The following ACSM3 variants were observed in gnomAD, a reference collection of about 807,000 sequenced individuals.
The protein encoded by ACSM3 is acyl-CoA synthetase medium chain family member 3.
Under a neutral mutation model 74.1 loss-of-function variants are expected in ACSM3, and 61 were observed. The ratio of observed to expected loss-of-function variants is 0.82; its 90% CI spans 0.67 to 1.02. The LOEUF (loss-of-function observed/expected upper bound fraction) is 1.02. ACSM3 is among the 50% of genes least tolerant of loss of function. The pLI, the probability that ACSM3 is intolerant of heterozygous loss-of-function variation, is 0.00. For missense variants in ACSM3, 660 were observed against 697.0 expected (o/e 0.95, Z 0.60); for synonymous variants, 213 against 241.5 (o/e 0.88, Z 1.09).
At chr16:20,718,329 G>C in intron 1 of ACSM3, 1 of 794,878 alleles carries the variant, frequency 1.3e-6, no homozygotes, top group Middle Eastern at 3.5e-4. Flanking sequence ...CACCATCTTG[G>C]GGTCCATCCA....
chr16:20,785,027 C>A lies in ACSM3; in HGVS notation c.1063C>A (p.Pro355Thr). The change falls in exon 8 of 14, where the codon CCA becomes ACA. Residue 355 changes from proline (P) to threonine (T), a missense_variant. Transcript: ENST00000289416. ...SLKHCVSAGE[P>T]ITPDVTEKWR... Reference sequence around the variant, plus strand: ...AAAGCACTGTGTGAGTGCTGGGGAACCAATTACCCCTGACGTGACTGAAAA... The same window carrying A: ...AAAGCACTGTGTGAGTGCTGGGGAAACAATTACCCCTGACGTGACTGAAAA... 6.2e-7 allele frequency: 1 copy of A among 1,613,606 alleles called. No individual in the cohort carries two copies. The highest frequency in any genetic ancestry group is 8.5e-7 in the Non-Finnish European group (1 of 1,179,694).
At chr16:20,711,395 C>G in intron 1 of ACSM3, 2 of 536,868 alleles carry the variant, frequency 3.7e-6, no homozygotes, top group Non-Finnish European at 6.5e-6. Context: ...CCTCCTCACC[C>G]AGGCACAAAG....
intron 9 of ACSM3, chr16:20,789,482 T>C: frequency 6.2e-7 from 1 of 1,611,274 alleles, no homozygotes; most frequent in Non-Finnish European, 8.5e-7. Context: ...TACTTACCAT[T>C]GTCAACCAGA....
At chr16:20,741,745 G>A (rs1166751556) in intron 1 of ACSM3, 1 of 1,564,366 alleles carries the variant, frequency 6.4e-7, no homozygotes, top group Admixed American at 1.9e-5. Context: ...GCCATGGTGT[G>A]CGCAAACTGA....
chr16:20,675,349 T>C (rs1179001182), intron 1 of ACSM3, among the ~76,000 whole-genome samples: 2 of 152,130 alleles, frequency 1.3e-5, no homozygotes, highest in Non-Finnish European at 2.9e-5. Flanking sequence ...GCAGGCTGTG[T>C]GCTCCCAGGC....
At chr16:20,787,427 C>T (rs1159285509) in intron 9 of ACSM3, among the ~76,000 whole-genome samples, 2 of 152,172 alleles carry the variant, frequency 1.3e-5, no homozygotes, top group African/African-American at 4.8e-5. Context: ...TAACAGAGTA[C>T]AGCTCTTAGA....
intron 1 of ACSM3, chr16:20,691,125 G>A: frequency 1.2e-6 from 2 of 1,613,340 alleles, no homozygotes; most frequent in African/African-American, 1.3e-5. Context: ...GAAGGGGCAG[G>A]GTGGATGTTG....
At chr16:20,738,842 C>A (rs1488792236) in intron 1 of ACSM3, 1 of 1,584,720 alleles carries the variant, frequency 6.3e-7, no homozygotes, top group Non-Finnish European at 8.6e-7. Context: ...TTCCCTGAGA[C>A]AGGAAGATAC....
chr16:20,763,758 A>G (rs1167798504), upstream of ACSM3: 2 of 152,204 alleles, frequency 1.3e-5, no homozygotes, highest in Non-Finnish European at 2.9e-5. Context: ...CTTCCTTCTG[A>G]GAAGTGCTCT....
chr16:20,691,049 T>C, intron 1 of ACSM3: 2 of 1,613,846 alleles, frequency 1.2e-6, no homozygotes, highest in Non-Finnish European at 1.7e-6. Flanking sequence ...GTTAAATTCC[T>C]CCGGTACTTC....
chr16:20,679,394 C>T (rs2079388587), intron 1 of ACSM3: 1 of 152,160 alleles, frequency 6.6e-6, no homozygotes, highest in Non-Finnish European at 1.5e-5. Flanking sequence ...CTAGTCACAT[C>T]CTGGAAGCTG....
chr16:20,676,328 T>C (rs114457444), intron 1 of ACSM3, among the ~76,000 whole-genome samples: 1,976 of 152,220 alleles, frequency 0.013, 45 homozygotes, highest in African/African-American at 0.045. Context: ...TAAAGGCTGG[T>C]AAAAGAAAAA....
chr16:20,757,851 T>C (rs1421163241), intron 3 of ACSM3, among the ~76,000 whole-genome samples: 3 of 150,816 alleles, frequency 2.0e-5, no homozygotes, highest in Admixed American at 6.6e-5. Flanking sequence ...ATGAAGGTTG[T>C]TGAATTTTGT....
Position 20,745,270 on chromosome 16 carries a change from C to T in ACSM3, c.-189-4640C>T, listed in dbSNP as rs183538572. On this transcript the variant is annotated intron_variant, in intron 1 of 3. Transcript: ENST00000561584. ...TATCCTTAGACACCAGGGACTCTGT[C>T]GCTTGAAAACCTCTCTTAGAAGGGA... 2.4e-4 allele frequency among the ~76,000 whole-genome samples: 37 copies of T among 152,210 alleles called. No individual in the cohort carries two copies. In the East Asian group the frequency reaches 5.8e-3, roughly 24 times the overall value.
intron 8 of ACSM3, among the ~76,000 whole-genome samples, chr16:20,785,814 TAAC>T (rs1367095721): frequency 6.6e-6 from 1 of 152,172 alleles, no homozygotes; most frequent in Non-Finnish European, 1.5e-5. Flanking sequence ...AGAAATAGCA[TAAC>T]AAGTATGCTA....
chr16:20,747,111 C>A (rs35137814), intron 1 of ACSM3, among the ~76,000 whole-genome samples: 19,743 of 151,928 alleles, frequency 0.13, 1,348 homozygotes, highest in East Asian at 0.21. Flanking sequence ...GGCTGACTCA[C>A]TGCAAGGCCC....
intron 1 of ACSM3, among the ~76,000 whole-genome samples, chr16:20,717,806 TA>T (rs1344569956): frequency 2.0e-5 from 3 of 147,078 alleles, no homozygotes; most frequent in South Asian, 2.1e-4. Flanking sequence ...AGATGAAGCT[TA>T]AAAAAAGAAG....
intron 2 of ACSM3, among the ~76,000 whole-genome samples, chr16:20,774,196 TA>T (rs1430730116): frequency 6.6e-6 from 1 of 152,036 alleles, no homozygotes; most frequent in Non-Finnish European, 1.5e-5. Context: ...TTTTGGTTTC[TA>T]TTTGTTTGAA....
intron 1 of ACSM3, chr16:20,682,184 G>T (rs1437429726): frequency 2.7e-6 from 4 of 1,466,280 alleles, no homozygotes; most frequent in Non-Finnish European, 3.8e-6. Flanking sequence ...CAACCCCACT[G>T]GTCTCTCTGA....
Sources: gnomAD v4.1 joint callset for allele counts (sites outside exome capture counted in the v4.1 genomes callset) on GRCh38, gnomAD v4.1.1 for gene constraint, MANE v1.5 for transcripts, NCBI Gene and HGNC (gene_info 2026-07-23, HGNC 2026-07-21) for gene names.